Variants in SGCZ observed in about 807,000 individuals in gnomAD.
SGCZ encodes zeta-sarcoglycan.
A neutral mutation model predicts 41.3 loss-of-function variants in SGCZ; 40 were observed. The observed-to-expected ratio is 0.97, with a 90% CI of 0.75 to 1.26. SGCZ has a LOEUF of 1.26. SGCZ is among the 50% of genes most tolerant of loss of function. The pLI, the probability that SGCZ is intolerant of heterozygous loss-of-function variation, is 0.00. For missense variants in SGCZ, 552 were observed against 369.8 expected (o/e 1.49, Z -4.04); for synonymous variants, 206 against 137.5 (o/e 1.50, Z -3.49).
At chr8:14,756,860 A>C (rs531087695) in intron 1 of SGCZ, among the ~76,000 whole-genome samples, 1 of 152,230 alleles carries the variant, frequency 6.6e-6, no homozygotes, top group African/African-American at 2.4e-5. Context: ...TGAAAAGCCA[A>C]CAGTAAAGAG....
intron 1 of SGCZ, among the ~76,000 whole-genome samples, chr8:14,951,008 A>C: frequency 6.6e-6 from 1 of 152,026 alleles, no homozygotes; most frequent in East Asian, 1.9e-4. Flanking sequence ...TAAATAGATA[A>C]ATGAGTAGTG....
intron 1 of SGCZ, among the ~76,000 whole-genome samples, chr8:14,603,522 C>A (rs939585221): frequency 6.6e-6 from 1 of 151,594 alleles, no homozygotes. Context: ...CTTCAAGTAT[C>A]TTCAAACTAA....
chr8:14,381,110 G>C (rs955174743), intron 2 of SGCZ, among the ~76,000 whole-genome samples: 3 of 151,642 alleles, frequency 2.0e-5, no homozygotes, highest in East Asian at 1.9e-4. Flanking sequence ...AAATACCTTT[G>C]TAAAATTTGA....
chr8:14,176,721 C>G (rs1337246799), intron 4 of SGCZ, among the ~76,000 whole-genome samples: 8 of 152,144 alleles, frequency 5.3e-5, no homozygotes, highest in Non-Finnish European at 1.0e-4. Flanking sequence ...GCCAAGAACA[C>G]GATACCCAGC....
chr8:14,751,074 G>A (rs1211441522), intron 1 of SGCZ, among the ~76,000 whole-genome samples: 1 of 152,158 alleles, frequency 6.6e-6, no homozygotes, highest in East Asian at 1.9e-4. Context: ...GGATGTAAAA[G>A]TAAGAAAAAT....
chr8:14,783,254 C>T (rs900179720), intron 1 of SGCZ, among the ~76,000 whole-genome samples: 2 of 151,970 alleles, frequency 1.3e-5, no homozygotes, highest in Non-Finnish European at 2.9e-5. Context: ...GTCAACATGG[C>T]GAAAGCCAGT....
At chr8:14,326,036 C>A (rs1474756960) in intron 2 of SGCZ, among the ~76,000 whole-genome samples, 1 of 134,382 alleles carries the variant, frequency 7.4e-6, no homozygotes, top group Admixed American at 8.6e-5. Flanking sequence ...GGCACGAACC[C>A]GGGAGGCGGA....
chr8:15,145,105 G>C (rs1172242529), intron 1 of SGCZ, among the ~76,000 whole-genome samples: 1 of 152,128 alleles, frequency 6.6e-6, no homozygotes, highest in African/African-American at 2.4e-5. Context: ...TTTGATCAGA[G>C]CAAATTATTC....
chr8:14,818,631 A>G (rs1276923708), intron 1 of SGCZ, among the ~76,000 whole-genome samples: 2 of 152,168 alleles, frequency 1.3e-5, no homozygotes, highest in Non-Finnish European at 2.9e-5. Context: ...CAAACTGATA[A>G]TCTTAAGGAA....
At chr8:14,461,063 G>A (rs527894300) in intron 2 of SGCZ, among the ~76,000 whole-genome samples, 10 of 152,156 alleles carry the variant, frequency 6.6e-5, no homozygotes, top group African/African-American at 1.9e-4. Flanking sequence ...CCTGAGAAAA[G>A]ATATGAAAAG....
intron 1 of SGCZ, among the ~76,000 whole-genome samples, chr8:14,694,848 A>G (rs1359204171): frequency 6.6e-6 from 1 of 152,216 alleles, no homozygotes; most frequent in East Asian, 1.9e-4. Flanking sequence ...TATTGTCTAT[A>G]GAACATTCAG....
intron 3 of SGCZ, among the ~76,000 whole-genome samples, chr8:14,301,968 T>C (rs1359573051): frequency 6.6e-6 from 1 of 152,160 alleles, no homozygotes; most frequent in South Asian, 2.1e-4. Context: ...TTACAGTTCA[T>C]TGATGTTTTC....
chr8:14,862,737 A>T (rs2130683631), intron 1 of SGCZ, among the ~76,000 whole-genome samples: 1 of 151,934 alleles, frequency 6.6e-6, no homozygotes, highest in African/African-American at 2.4e-5. Context: ...TAAGGTTCAA[A>T]GAGGCCTTTC....
At chr8:14,541,626 T>A (rs1005910215) in intron 2 of SGCZ, among the ~76,000 whole-genome samples, 2 of 152,166 alleles carry the variant, frequency 1.3e-5, no homozygotes, top group African/African-American at 2.4e-5. Flanking sequence ...GAATAATACA[T>A]AATCCTTTGG....
intron 1 of SGCZ, among the ~76,000 whole-genome samples, chr8:14,971,719 G>C (rs1003882985): frequency 6.8e-6 from 1 of 146,478 alleles, no homozygotes; most frequent in African/African-American, 2.5e-5. Flanking sequence ...GCACGACCTA[G>C]GCTGACTGCA....
At chr8:14,991,196 A>T (rs1406927324) in intron 1 of SGCZ, among the ~76,000 whole-genome samples, 1 of 152,130 alleles carries the variant, frequency 6.6e-6, no homozygotes, top group Non-Finnish European at 1.5e-5. Context: ...AGACATTAAC[A>T]TTGTTAATTG....
intron 3 of SGCZ, among the ~76,000 whole-genome samples, chr8:14,288,669 T>C (rs1037062800): frequency 6.6e-6 from 1 of 152,202 alleles, no homozygotes; most frequent in Non-Finnish European, 1.5e-5. Flanking sequence ...TACCATATTT[T>C]ATCTATCCAT....
chr8:14,773,092 G>C (rs1800299241), intron 1 of SGCZ, among the ~76,000 whole-genome samples: 2 of 152,128 alleles, frequency 1.3e-5, no homozygotes. Flanking sequence ...AGCACCTGTT[G>C]TTTCCTGACT....
intron 1 of SGCZ, among the ~76,000 whole-genome samples, chr8:15,054,530 C>A (rs1168995504): frequency 6.6e-6 from 1 of 152,168 alleles, no homozygotes; most frequent in Non-Finnish European, 1.5e-5. Context: ...CCCTTTATTC[C>A]ATGTCTTGGG....
Sources: allele counts gnomAD v4.1 joint callset (sites outside exome capture counted in the v4.1 genomes callset), GRCh38; gene constraint gnomAD v4.1.1; transcripts MANE v1.5; gene names NCBI Gene and HGNC (gene_info 2026-07-23, HGNC 2026-07-21).